The following MARCHF5 variants were observed in gnomAD, a reference collection of about 807,000 sequenced individuals.
The protein encoded by MARCHF5 is membrane associated ring-CH-type finger 5, also known as E3 ubiquitin-protein ligase MARCHF5.
A neutral mutation model predicts 36.5 loss-of-function variants in MARCHF5; 5 were observed. That is an observed-to-expected ratio of 0.14 (90% confidence interval 0.07 to 0.29). The LOEUF is 0.29. MARCHF5 is among the 10% of genes least tolerant of loss of function. The pLI is 1.00. For missense variants in MARCHF5, 179 were observed against 336.3 expected, an observed-to-expected ratio of 0.53 and a Z score of 3.66; for synonymous variants, 103 against 109.9, an observed-to-expected ratio of 0.94 and a Z score of 0.39.
intron 2 of MARCHF5, among the ~76,000 whole-genome samples, chr10:92,335,727 C>G (rs1190971126): frequency 6.6e-6 from 1 of 152,026 alleles, no homozygotes; most frequent in Non-Finnish European, 1.5e-5. Context: ...CCCAATGATT[C>G]AGGAAGAAAA....
chr10:92,339,467 C>G (rs1293605929), intron 2 of MARCHF5, among the ~76,000 whole-genome samples: 1 of 152,084 alleles, frequency 6.6e-6, no homozygotes, highest in Non-Finnish European at 1.5e-5. Flanking sequence ...GTCAAGAGTT[C>G]GAGACCAACC....
At chr10:92,321,476 C>G (rs1843288026) in intron 2 of MARCHF5, among the ~76,000 whole-genome samples, 1 of 151,970 alleles carries the variant, frequency 6.6e-6, no homozygotes, top group South Asian at 2.1e-4. Context: ...TTTGCTAGTA[C>G]TTTGTTGGGA....
chr10:92,343,441 G>C (rs1321661029), intron 3 of MARCHF5, among the ~76,000 whole-genome samples: 1 of 152,094 alleles, frequency 6.6e-6, no homozygotes, highest in Non-Finnish European at 1.5e-5. Flanking sequence ...TTGTTTTTAG[G>C]CCTTATTTTT....
At chr10:92,351,063 A>G (rs200733359) in intron 5 of MARCHF5, 28 bp from the exon 6 acceptor site, 1 of 1,277,652 alleles carries the variant, frequency 7.8e-7, no homozygotes, top group East Asian at 2.3e-5. Flanking sequence ...TCTGCATTAT[A>G]AAAAGCTAAT....
intron 3 of MARCHF5, among the ~76,000 whole-genome samples, chr10:92,341,349 G>A (rs1344875208): frequency 6.6e-6 from 1 of 152,010 alleles, no homozygotes; most frequent in Non-Finnish European, 1.5e-5. Context: ...GTTGCAGTGA[G>A]CCAAGATCAC....
intron 1 of MARCHF5, among the ~76,000 whole-genome samples, chr10:92,304,513 A>G (rs929321092): frequency 3.9e-5 from 6 of 152,234 alleles, no homozygotes; most frequent in African/African-American, 1.4e-4. Flanking sequence ...TCAAAATATT[A>G]AAAGCCTAAA....
intron 1 of MARCHF5, among the ~76,000 whole-genome samples, chr10:92,301,797 G>A (rs1321970988): frequency 6.6e-6 from 1 of 152,174 alleles, no homozygotes; most frequent in East Asian, 1.9e-4. Flanking sequence ...AGGGGCTCAC[G>A]CCTGTAATCC....
chr10:92,305,667 A>G (rs1843066593), intron 1 of MARCHF5, among the ~76,000 whole-genome samples: 2 of 152,220 alleles, frequency 1.3e-5, no homozygotes, highest in South Asian at 4.1e-4. Flanking sequence ...AGAAAACAAG[A>G]GGAAAAATAG....
At chr10:92,314,494 T>A (rs1843183657) in intron 2 of MARCHF5, among the ~76,000 whole-genome samples, 1 of 151,902 alleles carries the variant, frequency 6.6e-6, no homozygotes, top group Admixed American at 6.6e-5. Flanking sequence ...ATACAAAAAT[T>A]AGCCAGGCGT....
chr10:92,324,936 G>A (rs1843337040), intron 2 of MARCHF5, among the ~76,000 whole-genome samples: 1 of 152,016 alleles, frequency 6.6e-6, no homozygotes, highest in African/African-American at 2.4e-5. Flanking sequence ...ATGTGCACTT[G>A]AGAAAAACAT....
At chr10:92,297,578 A>G (rs745972246) in intron 1 of MARCHF5, among the ~76,000 whole-genome samples, 4 of 130,864 alleles carry the variant, frequency 3.1e-5, no homozygotes, top group Non-Finnish European at 6.2e-5. Flanking sequence ...TGCAACCTCC[A>G]CCTCCTGAGT....
intron 2 of MARCHF5, among the ~76,000 whole-genome samples, chr10:92,316,522 C>G (rs983036074): frequency 2.6e-5 from 4 of 152,092 alleles, no homozygotes; most frequent in African/African-American, 4.8e-5. Context: ...AACACCACCC[C>G]CTTCCTCCAC....
In MARCHF5 at chr10:92,291,679, TCTAGAC is replaced by T. The variant is rs1319273553; in HGVS notation, c.35+153_35+158del. On this transcript the variant is annotated intron_variant, in intron 1 of 5. Transcript: ENST00000358935. ...CGTGAGAGGGGCAAAAAGTTTGGAG[TCTAGAC>T]CTGGGGGAGGACAGAGCGAGCGGCC... 32 of 1,211,396 alleles carry T rather than the reference TCTAGAC, an allele frequency of 2.6e-5. 2 individuals carry two copies. The Admixed American group carries it at 9.2e-4, about 35-fold the overall frequency. The allele number at this position is 1,211,396 out of a possible 1,614,324, so 75.0% of individuals were successfully genotyped here.
At chr10:92,307,351 C>G (rs1843088013) in intron 1 of MARCHF5, among the ~76,000 whole-genome samples, 2 of 152,156 alleles carry the variant, frequency 1.3e-5, no homozygotes, top group South Asian at 4.1e-4. Context: ...GCCCAGTCCT[C>G]ATTTCATAGA....
At chr10:92,332,876 A>AT (rs1843453643) in intron 2 of MARCHF5, among the ~76,000 whole-genome samples, 1 of 144,084 alleles carries the variant, frequency 6.9e-6, no homozygotes, top group Non-Finnish European at 1.5e-5. Context: ...TAAAATTCAC[A>AT]TTTGTTGGCC....
At chr10:92,293,103 T>C (rs1241918212) in intron 1 of MARCHF5, among the ~76,000 whole-genome samples, 1 of 152,116 alleles carries the variant, frequency 6.6e-6, no homozygotes, top group East Asian at 1.9e-4. Flanking sequence ...TTTTTTCTTC[T>C]TTTTTTGAGA....
intron 2 of MARCHF5, chr10:92,333,593 C>T: frequency 1.1e-6 from 1 of 935,422 alleles, no homozygotes; most frequent in Non-Finnish European, 1.3e-6. Flanking sequence ...TGAACAAGAA[C>T]ATAAAGTACT....
intron 2 of MARCHF5, among the ~76,000 whole-genome samples, chr10:92,335,743 CT>C (rs1269481568): frequency 1.3e-5 from 2 of 152,168 alleles, no homozygotes; most frequent in Admixed American, 1.3e-4. Context: ...GAAAATTGAG[CT>C]TGTTAGAAGC....
Position 92,294,339 on chromosome 10 carries a change from A to C in MARCHF5, c.35+2810A>C, listed in dbSNP as rs189671404. On this transcript the variant is annotated intron_variant, in intron 1 of 5. Coordinates refer to ENST00000358935, the MANE Select transcript of MARCHF5 (RefSeq NM_017824.5). The stretch of plus-strand genomic sequence containing the variant: ...TACTTCACAGGGCTACAGCAAATGA[A>C]ACATACATCTCTATAAAACAGCAAA... 2.9e-3 allele frequency among the ~76,000 whole-genome samples: 443 copies of C among 152,326 alleles called. 1 individual carries two copies. The highest frequency in any genetic ancestry group is 5.2e-3 in the Non-Finnish European group (353 of 68,030).
Sources: allele counts gnomAD v4.1 joint callset (sites outside exome capture counted in the v4.1 genomes callset), GRCh38; gene constraint gnomAD v4.1.1; transcripts MANE v1.5; gene names NCBI Gene and HGNC (gene_info 2026-07-23, HGNC 2026-07-21).